PNMA6E: variants seen among roughly 807,000 people sequenced by gnomAD.
PNMA6E encodes the protein paraneoplastic antigen Ma6E.
For synonymous variants in PNMA6E, 43 were observed against 17.1 expected (o/e 2.52, Z -3.74); for missense variants, 78 against 50.8 (o/e 1.53, Z -1.63).
At chrX:153,401,833 G>T (rs2088853976), upstream of PNMA6E, among the ~76,000 whole-genome samples, 1 of 50,019 alleles carries the variant, frequency 2.0e-5, no homozygotes, top group African/African-American at 7.3e-5. Flanking sequence ...CGCCAGGCTG[G>T]ATTTTTTTTT....
chrX:153,410,770 T>C, the PNMA6E span, among the ~76,000 whole-genome samples: 74 of 112,982 alleles, frequency 6.5e-4, no homozygotes, highest in African/African-American at 2.4e-3. Flanking sequence ...CTGGGATATG[T>C]GATGTGGCTG....
At chrX:153,398,999 G>C in intron 1 of PNMA6E, 79 bp from the exon 2 acceptor site, 1 of 294,810 alleles carries the variant, frequency 3.4e-6, no homozygotes. Flanking sequence ...GTGTGGGGGT[G>C]AGGGGGCAGG....
rs939296735 is a variant in PNMA6E at position 153,397,934 on chromosome X, G to A, written c.916C>T (p.Arg306Cys). 6.6e-5 allele frequency: 27 copies of A among 410,179 alleles called. 1 individual carries two copies. The highest frequency in any genetic ancestry group is 2.6e-4 in the Admixed American group (6 of 23,032). The allele number at this position is 410,179 out of a possible 1,213,427, so 33.8% of individuals were successfully genotyped here. A position where few individuals can be genotyped will look rare whatever the true frequency, so the allele number is the denominator to read the frequency against. The change falls in exon 2 of 2, where the codon CGC (arginine) becomes TGC (cysteine). Residue 306 changes from arginine (R) to cysteine (C), a missense_variant. Physicochemically the swap from Arg to Cys is radical, Grantham distance 180. Transcript: ENST00000445091. ...TCCAGCACAGGCTGTAGGGTGCAGCGCCAAGGCTGGACCCAGGCTTTTGTT... is the reference window on the plus strand; with the variant it reads ...TCCAGCACAGGCTGTAGGGTGCAGCACCAAGGCTGGACCCAGGCTTTTGTT... ...NVTKAWVQPWRCTLQPVLENR... is the reference protein window; with the variant it reads ...NVTKAWVQPWCCTLQPVLENR...
chrX:153,409,756 G>T, the PNMA6E span, among the ~76,000 whole-genome samples: 1 of 112,005 alleles, frequency 8.9e-6, no homozygotes, highest in Non-Finnish European at 1.9e-5. Flanking sequence ...GAAGTGGGGT[G>T]CACTCCCAGG....
upstream of PNMA6E, among the ~76,000 whole-genome samples, chrX:153,401,606 G>A (rs1602877671): frequency 8.9e-6 from 1 of 112,161 alleles, no homozygotes. Flanking sequence ...TCCGCCAATG[G>A]AAAGGCCTGC....
In PNMA6E at chrX:153,395,767, G is replaced by C. The variant is rs1352148078; in HGVS notation, c.*1139C>G. 2 of 112,278 alleles carry C rather than the reference G, an allele frequency of 1.8e-5. No individual in the cohort carries two copies. Among genetic ancestry groups the C allele is most frequent in the African/African-American group, 6.5e-5 (2 of 30,654 alleles). The allele number at this position is 112,278 out of a possible 1,213,427, so 9.3% of individuals were successfully genotyped here. A position where few individuals can be genotyped will look rare whatever the true frequency, so the allele number is the denominator to read the frequency against. On this transcript the variant is annotated 3_prime_UTR_variant, in exon 2 of 2. Coordinates refer to ENST00000445091, the MANE Select transcript of PNMA6E (RefSeq NM_001367770.1). ...CAGGTCCCAGGCCCCCTCCTCCTGG[G>C]GTTCCTGGCAAGGCACGTCATCTGC... is the stretch of plus-strand genomic sequence containing the variant.
rs1373939346 is a variant in PNMA6E at position 153,396,532 on chromosome X, G to C, written c.*374C>G. On this transcript the variant is annotated 3_prime_UTR_variant, in exon 2 of 2. Coordinates refer to ENST00000445091, the MANE Select transcript of PNMA6E (RefSeq NM_001367770.1). ...ACCCAGGCAGCTGGCAACCTTGAGA[G>C]GGCCTCTTTCCCCCTGTCTCTCCCA... 2 of 118,362 alleles carry C rather than the reference G, an allele frequency of 1.7e-5. No individual in the cohort carries two copies. Among genetic ancestry groups the C allele is most frequent in the African/African-American group, 6.4e-5 (2 of 31,238 alleles). The allele number at this position is 118,362 out of a possible 1,213,427, so 9.8% of individuals were successfully genotyped here.
chrX:153,397,038 G>A lies in PNMA6E; in HGVS notation c.1812C>T (p.Leu604=). Residue 604 remains leucine, a synonymous_variant, in exon 2 of 2, where the codon CTC becomes CTT. Transcript: ENST00000445091. ...TGGCTTCCTGGCCTCTCACCTGGATGAGGCCCTCTGGACCCCAGCTAAGAC... is the reference window on the plus strand; with the variant it reads ...TGGCTTCCTGGCCTCTCACCTGGATAAGGCCCTCTGGACCCCAGCTAAGAC... ...PRGLSWGPEG[L]IQVRGQEARK... is the part of the protein sequence containing the mutation. The A allele has an allele frequency of 6.7e-6, 2 of 297,936 alleles. No individual in the cohort carries two copies. The highest frequency in any genetic ancestry group is 4.0e-4 in the South Asian group (2 of 5,043). The allele number at this position is 297,936 out of a possible 1,213,427, so 24.6% of individuals were successfully genotyped here. A position where few individuals can be genotyped will look rare whatever the true frequency, so the allele number is the denominator to read the frequency against.
At chrX:153,405,632 A>C (rs1602881038), upstream of PNMA6E, among the ~76,000 whole-genome samples, 2 of 72,618 alleles carry the variant, frequency 2.8e-5, no homozygotes, top group South Asian at 7.6e-4. Flanking sequence ...TCTCTCCCTC[A>C]CCCCCCAAAA....
chrX:153,407,074 G>A, the PNMA6E span, among the ~76,000 whole-genome samples: 1 of 112,452 alleles, frequency 8.9e-6, no homozygotes, highest in South Asian at 3.7e-4. Context: ...GTGCATTGGC[G>A]CATCCAAGTG....
Position 153,397,278 on chromosome X carries a change from T to C in PNMA6E, c.1572A>G (p.Pro524=), listed in dbSNP as rs1445454293. 6.7e-6 allele frequency: 2 copies of C among 296,693 alleles called. No individual in the cohort carries two copies. The highest frequency in any genetic ancestry group is 1.2e-5 in the Non-Finnish European group (2 of 170,037). The allele number at this position is 296,693 out of a possible 1,213,427, so 24.5% of individuals were successfully genotyped here. A position where few individuals can be genotyped will look rare whatever the true frequency, so the allele number is the denominator to read the frequency against. The part of the protein sequence containing the change: ...SEDPAAAQAS[P]AQGNASEAGP... ...CAGCCTCGCTGGCATTCCCCTGGGC[T>C]GGGGAGGCCTGGGCAGCAGCTGGGT... The change falls in exon 2 of 2, where the codon CCA becomes CCG. Residue 524 remains proline, a synonymous_variant. Coordinates refer to ENST00000445091, the MANE Select transcript of PNMA6E (RefSeq NM_001367770.1).
chrX:153,397,321 G>T lies in PNMA6E; in HGVS notation c.1529C>A (p.Ala510Asp). Residue 510 changes from alanine (A) to aspartate (D), a missense_variant, in exon 2 of 2, where the codon GCC becomes GAC. By Grantham distance (126) the Ala-to-Asp change is moderately radical. Coordinates refer to ENST00000445091, the MANE Select transcript of PNMA6E (RefSeq NM_001367770.1). ...RSQQGVAWAAAPVESEDPAAA... is the reference protein window; with the variant it reads ...RSQQGVAWAADPVESEDPAAA... ...AGCTGGGTCTTCACTCTCCACTGGG[G>T]CCGCTGCCCAGGCCACACCCTGCTG... 3.4e-6 allele frequency: 1 copy of T among 297,981 alleles called. No homozygotes were observed. Among genetic ancestry groups the T allele is most frequent in the East Asian group, 4.7e-5 (1 of 21,054 alleles). 24.6% of individuals were successfully genotyped at this position (297,981 alleles called of 1,213,427 possible).
rs1556970522 is a variant in PNMA6E at position 153,397,314 on chromosome X, C to T, written c.1536G>A (p.Val512=). 3.4e-6 allele frequency: 1 copy of T among 296,818 alleles called. No individual in the cohort carries two copies. The highest frequency in any genetic ancestry group is 2.0e-4 in the South Asian group (1 of 4,974). 24.5% of individuals were successfully genotyped at this position (296,818 alleles called of 1,213,427 possible). ...QQGVAWAAAP[V]ESEDPAAAQA... ...GGGCAGCAGCTGGGTCTTCACTCTC[C>T]ACTGGGGCCGCTGCCCAGGCCACAC... Residue 512 remains valine (V), a synonymous_variant, in exon 2 of 2, where the codon GTG becomes GTA. Transcript: ENST00000445091.
intron 1 of PNMA6E, among the ~76,000 whole-genome samples, chrX:153,400,204 A>C (rs1180154966): frequency 8.9e-6 from 1 of 112,162 alleles, no homozygotes; most frequent in Non-Finnish European, 1.9e-5. Flanking sequence ...TCCTGTCGCC[A>C]TTCCCCACGA....
upstream of PNMA6E, among the ~76,000 whole-genome samples, chrX:153,403,114 G>A (rs1202858066): frequency 8.9e-6 from 1 of 112,049 alleles, no homozygotes; most frequent in Non-Finnish European, 1.9e-5. Flanking sequence ...ATTTCTTCGA[G>A]TAGTTTTTCT....
At chrX:153,399,623 C>T (rs1334612752) in intron 1 of PNMA6E, among the ~76,000 whole-genome samples, 1 of 111,932 alleles carries the variant, frequency 8.9e-6, no homozygotes, top group Non-Finnish European at 1.9e-5. Context: ...GCTGGGATTA[C>T]AGGCATAAAC....
rs1322964081 is a variant in PNMA6E at position 153,395,797 on chromosome X, C to T, written c.*1109G>A. 1 of 111,891 alleles carries T rather than the reference C, an allele frequency of 8.9e-6. No homozygotes were observed. Among genetic ancestry groups the T allele is most frequent in the Non-Finnish European group, 1.9e-5 (1 of 53,067 alleles). The allele number at this position is 111,891 out of a possible 1,213,427, so 9.2% of individuals were successfully genotyped here. A position where few individuals can be genotyped will look rare whatever the true frequency, so the allele number is the denominator to read the frequency against. Reference sequence around the variant, plus strand: ...CTGGCAAGGCACGTCATCTGCTCCCCCTCCCGCTGCTGCCCCCGCTGCCAC... The same window carrying T: ...CTGGCAAGGCACGTCATCTGCTCCCTCTCCCGCTGCTGCCCCCGCTGCCAC... On this transcript the variant is annotated 3_prime_UTR_variant, in exon 2 of 2. Coordinates refer to ENST00000445091, the MANE Select transcript of PNMA6E (RefSeq NM_001367770.1).
the PNMA6E span, among the ~76,000 whole-genome samples, chrX:153,408,587 A>G: frequency 8.9e-6 from 1 of 112,374 alleles, no homozygotes; most frequent in Non-Finnish European, 1.9e-5. Flanking sequence ...TGCTTTCCCC[A>G]GAGCCACTGT....
chrX:153,407,073 C>T, the PNMA6E span, among the ~76,000 whole-genome samples: 5 of 112,465 alleles, frequency 4.4e-5, no homozygotes, highest in African/African-American at 6.5e-5. Context: ...TGTGCATTGG[C>T]GCATCCAAGT....
Sources: allele counts gnomAD v4.1 joint callset (sites outside exome capture counted in the v4.1 genomes callset), GRCh38; gene constraint gnomAD v4.1.1; transcripts MANE v1.5; gene names NCBI Gene and HGNC (gene_info 2026-07-23, HGNC 2026-07-21).